Variants in TARS3 observed in about 807,000 individuals in gnomAD.
TARS3 encodes the protein threonine--tRNA ligase 2, cytoplasmic.
A neutral mutation model predicts 103.5 loss-of-function variants in TARS3; 94 were observed. The ratio of observed to expected loss-of-function variants is 0.91; its 90% confidence interval spans 0.77 to 1.08. The LOEUF (loss-of-function observed/expected upper bound fraction) is 1.08, where lower values mean the gene tolerates loss of function less well. TARS3 is among the 50% of genes least tolerant of loss of function. The pLI is 0.00. For synonymous variants in TARS3, 416 were observed against 355.4 expected (o/e 1.17, Z -1.92); for missense variants, 952 against 995.2 (o/e 0.96, Z 0.58).
rs967091778 is a variant in TARS3, at chr15:101,655,791, C to G, written c.2261-1061G>C. The G allele has an allele frequency of 3.4e-5, 41 of 1,192,114 alleles. No homozygotes were observed. In the African/African-American group the frequency reaches 5.7e-4, roughly 17 times the overall value. The allele number at this position is 1,192,114 out of a possible 1,614,324, so 73.8% of individuals were successfully genotyped here. ...AGTGGGGAGCTCTTACAGGCTCACA[C>G]TGACCCCACCTGGCACTAGGGTGCA... On this transcript the variant is annotated intron_variant, in intron 18 of 18. Coordinates refer to ENST00000335968, the MANE Select transcript of TARS3 (RefSeq NM_152334.3).
chr15:101,656,096 G>T (rs1897189783), intron 18 of TARS3: 14 of 1,255,706 alleles, frequency 1.1e-5, no homozygotes, highest in Non-Finnish European at 1.5e-5. Context: ...GAGAAATGGG[G>T]AGAAATACTC....
At chr15:101,715,092 C>T (rs1900076321) in intron 3 of TARS3, 129 bp from the exon 4 acceptor site, 2 of 756,396 alleles carry the variant, frequency 2.6e-6, no homozygotes, top group Non-Finnish European at 1.9e-6. Context: ...ACTAATAGGA[C>T]AGATATTTCT....
chr15:101,674,357 C>T (rs564938085), intron 13 of TARS3, among the ~76,000 whole-genome samples: 8 of 151,988 alleles, frequency 5.3e-5, no homozygotes, highest in African/African-American at 1.9e-4. Flanking sequence ...ATCCATTTAA[C>T]AAGGAAAAAA....
chr15:101,720,600 C>T (rs530607026), intron 3 of TARS3, among the ~76,000 whole-genome samples: 1 of 151,914 alleles, frequency 6.6e-6, no homozygotes, highest in Non-Finnish European at 1.5e-5. Context: ...TTTACATGGC[C>T]CTTGGAGAAG....
chr15:101,721,581 G>C (rs1423820639), intron 2 of TARS3, among the ~76,000 whole-genome samples: 1 of 152,168 alleles, frequency 6.6e-6, no homozygotes, highest in Non-Finnish European at 1.5e-5. Context: ...TGCAGCCTCT[G>C]TCTCCTAGGT....
At chr15:101,673,143 A>G (rs1328033453) in intron 13 of TARS3, among the ~76,000 whole-genome samples, 1 of 152,224 alleles carries the variant, frequency 6.6e-6, no homozygotes, top group Non-Finnish European at 1.5e-5. Context: ...GGCCAGGGTT[A>G]GTTATTGGAG....
At position 101,669,502 on chromosome 15, in the gene TARS3, C is replaced by T. The variant is rs1020926846; in HGVS notation, c.1967+1984G>A. Among the ~76,000 whole-genome samples, 8 of 152,270 alleles carry T rather than the reference C, an allele frequency of 5.3e-5. No individual in the cohort carries two copies. In the East Asian group the frequency reaches 9.7e-4, roughly 18 times the overall value. On this transcript the variant is annotated intron_variant, in intron 15 of 18. Transcript: ENST00000335968. ...AGTATACACTAATGTCCTCGGCCTTCACATATACTTACAACTTACTGACTC... is the reference window on the plus strand; with the variant it reads ...AGTATACACTAATGTCCTCGGCCTTTACATATACTTACAACTTACTGACTC...
chr15:101,703,073 C>A (rs913876551), intron 8 of TARS3, among the ~76,000 whole-genome samples: 9 of 152,100 alleles, frequency 5.9e-5, no homozygotes, highest in Non-Finnish European at 1.2e-4. Context: ...ATTAGCCAGC[C>A]CCATTTTACC....
At chr15:101,671,771 A>G (rs748229521) in intron 13 of TARS3, 23 bp from the exon 14 acceptor site, 1 of 1,593,846 alleles carries the variant, frequency 6.3e-7, no homozygotes, top group Admixed American at 1.7e-5. Flanking sequence ...AAGAAAAAAG[A>G]TACAATTATA....
At chr15:101,685,742 T>A (rs771241475) in intron 11 of TARS3, among the ~76,000 whole-genome samples, 154 bp downstream of exon 11, 6 of 152,096 alleles carry the variant, frequency 3.9e-5, no homozygotes, top group Non-Finnish European at 8.8e-5. Flanking sequence ...CAAAAGTAAA[T>A]CCATTCTCCG....
chr15:101,719,582 C>T (rs1900344518), intron 3 of TARS3, among the ~76,000 whole-genome samples: 1 of 152,216 alleles, frequency 6.6e-6, no homozygotes, highest in Non-Finnish European at 1.5e-5. Context: ...TCTCTTACAG[C>T]TAGGCATAGC....
chr15:101,715,194 T>G (rs1474689094), intron 3 of TARS3, among the ~76,000 whole-genome samples: 1 of 150,642 alleles, frequency 6.6e-6, no homozygotes, highest in Admixed American at 6.6e-5. Flanking sequence ...TCGCCCAGGC[T>G]GGAGTGCAGT....
chr15:101,707,132 A>G (rs972330720), intron 6 of TARS3, among the ~76,000 whole-genome samples: 3 of 152,194 alleles, frequency 2.0e-5, no homozygotes, highest in African/African-American at 7.2e-5. Context: ...CAAAACCCCA[A>G]TGAGATACCA....
chr15:101,674,140 T>C lies in TARS3; in HGVS notation c.1788+1460A>G, dbSNP rs931337319. ...ATGTGAACCGTCCTTTCGTCCAGAG[T>C]CTCCATGCTGGGTGCACTGCCCACC... On this transcript the variant is annotated intron_variant, in intron 13 of 18. Coordinates refer to ENST00000335968, the MANE Select transcript of TARS3 (RefSeq NM_152334.3). Among the ~76,000 whole-genome samples, 6 of 152,264 alleles carry C rather than the reference T, an allele frequency of 3.9e-5. No individual in the cohort carries two copies. The South Asian group carries it at 6.2e-4, about 16-fold the overall frequency.
intron 13 of TARS3, among the ~76,000 whole-genome samples, chr15:101,674,808 A>AAAAAAAAG (rs1435052813): frequency 3.3e-5 from 5 of 152,184 alleles, no homozygotes; most frequent in South Asian, 2.1e-4. Flanking sequence ...CCGTCTCAAA[A>AAAAAAAAG]AAAAAAAGAA....
At position 101,714,962 on chromosome 15, in the gene TARS3, GA is replaced by G; in HGVS notation, c.567del (p.Gln190ArgfsTer8). The G allele has an allele frequency of 1.2e-6, 2 of 1,603,960 alleles. No individual in the cohort carries two copies. Among genetic ancestry groups the G allele is most frequent in the Non-Finnish European group, 1.7e-6 (2 of 1,175,070 alleles). On this transcript the variant is annotated frameshift_variant and splice_region_variant, in exon 4 of 19. Transcript: ENST00000335968. LOFTEE classifies it high-confidence loss of function. ...ATTACCGTGCTTTCAGCCAGTTCCTGACTAAGAAGACAAAAGCCACTTGGGA... is the reference window on the plus strand; with the variant it reads ...ATTACCGTGCTTTCAGCCAGTTCCTGCTAAGAAGACAAAAGCCACTTGGGA... Reference protein sequence around the residue: ...TTPYQVAAEISQELAESTVIA... With the variant: ...TTPYQVAAEIXQELAESTVIA...
rs1167834534 is a variant in TARS3 at position 101,724,460 on chromosome 15, G to A, written c.-73C>T. On this transcript the variant is annotated 5_prime_UTR_variant, in exon 1 of 19. Coordinates refer to ENST00000335968, the MANE Select transcript of TARS3 (RefSeq NM_152334.3). ...GGCGAGGGCGACGCGGACACTCAGC[G>A]CACGGCAGAAGACAGGGCTCCCGGG... 1.5e-6 allele frequency: 2 copies of A among 1,349,404 alleles called. No homozygotes were observed. The highest frequency in any genetic ancestry group is 1.8e-5 in the South Asian group (1 of 54,222). 83.6% of individuals were successfully genotyped at this position (1,349,404 alleles called of 1,614,324 possible). A position where few individuals can be genotyped will look rare whatever the true frequency, so the allele number is the denominator to read the frequency against.
chr15:101,697,459 G>A (rs772633265), intron 10 of TARS3, among the ~76,000 whole-genome samples: 3 of 152,140 alleles, frequency 2.0e-5, no homozygotes, highest in Non-Finnish European at 2.9e-5. Flanking sequence ...AATGACAGCC[G>A]ATTTTTGGCT....
At chr15:101,661,144 A>AGG (rs879628417) in intron 16 of TARS3, among the ~76,000 whole-genome samples, 50,404 of 151,304 alleles carry the variant, frequency 0.33, 10,741 homozygotes, top group Non-Finnish European at 0.43. Context: ...CCACTCAAAA[A>AGG]AGACCACAAG....
Sources: allele counts gnomAD v4.1 joint callset (sites outside exome capture counted in the v4.1 genomes callset), GRCh38; gene constraint gnomAD v4.1.1; transcripts MANE v1.5; gene names NCBI Gene and HGNC (gene_info 2026-07-23, HGNC 2026-07-21).